FAM78B: variants seen among roughly 807,000 people sequenced by gnomAD.
FAM78B encodes the protein family with sequence similarity 78 member B.
FAM78B carries 10 observed loss-of-function variants against 20.0 expected under a neutral mutation model. The observed-to-expected ratio is 0.50, with a 90% CI of 0.31 to 0.85. The LOEUF is 0.85. FAM78B is among the 40% of genes least tolerant of loss of function. FAM78B has a pLI of 0.05. For synonymous variants in FAM78B, 135 were observed against 132.8 expected, an observed-to-expected ratio of 1.02 and a Z score of -0.12; for missense variants, 283 against 345.0, an observed-to-expected ratio of 0.82 and a Z score of 1.42.
chr1:166,076,093 A>G (rs1652260667), intron 1 of FAM78B, among the ~76,000 whole-genome samples: 1 of 152,208 alleles, frequency 6.6e-6, no homozygotes, highest in Non-Finnish European at 1.5e-5. Flanking sequence ...CTCCTTGCTA[A>G]TTACTCAACT....
chr1:166,149,791 C>T (rs1205393974), intron 1 of FAM78B, among the ~76,000 whole-genome samples: 2 of 152,126 alleles, frequency 1.3e-5, no homozygotes, highest in African/African-American at 4.8e-5. Context: ...ATGCTCCATC[C>T]CCACCTCTGG....
intron 1 of FAM78B, among the ~76,000 whole-genome samples, chr1:166,095,867 C>A (rs966419664): frequency 2.0e-5 from 3 of 152,144 alleles, no homozygotes; most frequent in Non-Finnish European, 4.4e-5. Context: ...GAGTAAGGTG[C>A]TGGCTCCCAG....
chr1:166,110,703 AG>A, intron 1 of FAM78B, among the ~76,000 whole-genome samples: 1 of 152,302 alleles, frequency 6.6e-6, no homozygotes, highest in Non-Finnish European at 1.5e-5. Context: ...CTCTGCTTTT[AG>A]AGAGTAGAGC....
At chr1:166,121,907 T>G (rs763341010) in intron 1 of FAM78B, among the ~76,000 whole-genome samples, 30 of 152,172 alleles carry the variant, frequency 2.0e-4, no homozygotes, top group Non-Finnish European at 4.1e-4. Flanking sequence ...AGGCACATAC[T>G]GGCTTACAGG....
At position 166,084,253 on chromosome 1, in the gene FAM78B, T is replaced by A. The variant is rs1376720944; in HGVS notation, c.264-13490A>T. Among the ~76,000 whole-genome samples, 61 of 145,498 alleles carry A rather than the reference T, an allele frequency of 4.2e-4. 1 individual carries two copies. Among genetic ancestry groups the A allele is most frequent in the South Asian group, 1.9e-3 (9 of 4,786 alleles). On this transcript the variant is annotated intron_variant, in intron 1 of 1. Transcript: ENST00000354422. ...CACACACACACTCTCTCTCTCTCTCTCTCTCTCTCTCTTTCTCTCTCTCTC... is the reference window on the plus strand; with the variant it reads ...CACACACACACTCTCTCTCTCTCTCACTCTCTCTCTCTTTCTCTCTCTCTC...
intron 1 of FAM78B, among the ~76,000 whole-genome samples, chr1:166,132,348 C>G (rs1396967389): frequency 6.6e-6 from 1 of 152,178 alleles, no homozygotes; most frequent in African/African-American, 2.4e-5. Context: ...CTAGCAAAAT[C>G]TAGCTTGCGA....
intron 1 of FAM78B, among the ~76,000 whole-genome samples, chr1:166,121,879 C>G (rs1026131917): frequency 2.6e-5 from 4 of 152,154 alleles, no homozygotes; most frequent in Non-Finnish European, 4.4e-5. Context: ...CCTGTACACA[C>G]AGCAGGGCCC....
intron 1 of FAM78B, among the ~76,000 whole-genome samples, chr1:166,132,848 G>A (rs1023002690): frequency 6.6e-6 from 1 of 152,160 alleles, no homozygotes; most frequent in South Asian, 2.1e-4. Context: ...TACAGTACCA[G>A]CTTATGAGTG....
intron 2 of FAM78B, among the ~76,000 whole-genome samples, chr1:166,062,751 T>C (rs1571121812): frequency 6.6e-6 from 1 of 152,262 alleles, no homozygotes. Context: ...TAATTGGCTG[T>C]CTTGCTTTCA....
intron 1 of FAM78B, among the ~76,000 whole-genome samples, chr1:166,154,169 G>A (rs937505535): frequency 6.6e-6 from 1 of 152,154 alleles, no homozygotes; most frequent in African/African-American, 2.4e-5. Context: ...CATCTTTGAC[G>A]CTACTTGGAT....
intron 1 of FAM78B, among the ~76,000 whole-genome samples, chr1:166,161,984 G>C (rs1656163094): frequency 6.6e-6 from 1 of 152,146 alleles, no homozygotes; most frequent in African/African-American, 2.4e-5. Context: ...GGAAAGCATA[G>C]AACAAGAAGA....
intron 1 of FAM78B, among the ~76,000 whole-genome samples, chr1:166,072,666 T>C (rs2101711756): frequency 6.6e-6 from 1 of 152,300 alleles, no homozygotes; most frequent in East Asian, 1.9e-4. Flanking sequence ...ATACATCTAT[T>C]TCCTGTGTTG....
chr1:166,133,004 A>G (rs1157848690), intron 1 of FAM78B, among the ~76,000 whole-genome samples: 2 of 152,248 alleles, frequency 1.3e-5, no homozygotes, highest in Non-Finnish European at 2.9e-5. Flanking sequence ...GGTTATCAGC[A>G]GCACTGAGAC....
intron 1 of FAM78B, among the ~76,000 whole-genome samples, chr1:166,163,248 T>G (rs1040185820): frequency 3.3e-5 from 5 of 152,246 alleles, no homozygotes; most frequent in South Asian, 4.1e-4. Context: ...AATAAATAGG[T>G]GCCACAACTC....
chr1:166,113,006 ATC>A (rs1654115739), intron 1 of FAM78B, among the ~76,000 whole-genome samples: 1 of 152,246 alleles, frequency 6.6e-6, no homozygotes, highest in South Asian at 2.1e-4. Flanking sequence ...ATTTTAAAAA[ATC>A]TGTTTTCTAA....
chr1:166,108,507 T>C (rs563172336), intron 1 of FAM78B, among the ~76,000 whole-genome samples: 6 of 152,214 alleles, frequency 3.9e-5, no homozygotes, highest in African/African-American at 1.4e-4. Context: ...AAAGAGATCA[T>C]AGATGACATG....
intron 1 of FAM78B, among the ~76,000 whole-genome samples, chr1:166,150,062 G>A (rs1030252174): frequency 1.3e-5 from 2 of 152,294 alleles, no homozygotes; most frequent in East Asian, 1.9e-4. Context: ...TAGCTACTTC[G>A]GACTCTGATA....
chr1:166,109,855 TATATATGTATGTGTA>T, intron 1 of FAM78B, among the ~76,000 whole-genome samples: 1 of 28,544 alleles, frequency 3.5e-5, no homozygotes, highest in East Asian at 2.6e-3. Flanking sequence ...TATATATATA[TATATATGTATGTGTA>T]TATATATATA....
At chr1:166,140,244 T>C (rs1055526325) in intron 1 of FAM78B, among the ~76,000 whole-genome samples, 36 of 152,332 alleles carry the variant, frequency 2.4e-4, no homozygotes, top group African/African-American at 8.4e-4. Context: ...ACCGCCAACA[T>C]GCGGCTTCTA....
Sources: gnomAD v4.1 joint callset for allele counts (sites outside exome capture counted in the v4.1 genomes callset) on GRCh38, gnomAD v4.1.1 for gene constraint, MANE v1.5 for transcripts, NCBI Gene and HGNC (gene_info 2026-07-23, HGNC 2026-07-21) for gene names.